The following IFNAR1 variants were observed in gnomAD, a reference collection of about 807,000 sequenced individuals.
IFNAR1 encodes interferon alpha/beta receptor 1.
A neutral mutation model predicts 62.1 loss-of-function variants in IFNAR1; 47 were observed. The ratio of observed to expected loss-of-function variants is 0.76; its 90% CI spans 0.60 to 0.97. IFNAR1 has a LOEUF of 0.97. Among genes scored for constraint, IFNAR1 ranks in the 50% least tolerant of loss-of-function variants. IFNAR1 has a pLI of 0.00. For synonymous variants in IFNAR1, 219 were observed against 226.9 expected, an observed-to-expected ratio of 0.97 and a Z score of 0.31; for missense variants, 638 against 654.5, an observed-to-expected ratio of 0.97 and a Z score of 0.27.
intron 8 of IFNAR1, among the ~76,000 whole-genome samples, chr21:33,350,069 A>G (rs1353567286): frequency 6.6e-6 from 1 of 151,648 alleles, no homozygotes; most frequent in Non-Finnish European, 1.5e-5. Context: ...TTGTTACTGA[A>G]TCATTATCTC....
At chr21:33,324,917 C>A, upstream of IFNAR1, 1 of 634,756 alleles carries the variant, frequency 1.6e-6, no homozygotes, top group Non-Finnish European at 2.7e-6. Flanking sequence ...AGAGGCGGCG[C>A]GTGCGTAGAG....
intron 1 of IFNAR1, among the ~76,000 whole-genome samples, chr21:33,328,021 C>T (rs1448491068): frequency 6.6e-6 from 1 of 152,242 alleles, no homozygotes; most frequent in Non-Finnish European, 1.5e-5. Flanking sequence ...CCACAGCCCA[C>T]TGGCCGCGTG....
At chr21:33,333,869 C>T (rs894079216) in intron 1 of IFNAR1, among the ~76,000 whole-genome samples, 4 of 151,800 alleles carry the variant, frequency 2.6e-5, no homozygotes, top group Non-Finnish European at 4.4e-5. Flanking sequence ...GTGATCCACC[C>T]GCCTCGGCCT....
chr21:33,345,290 CA>C lies in IFNAR1; in HGVS notation c.722del (p.Asn241IlefsTer15). 2 of 1,606,110 alleles carry C rather than the reference CA, an allele frequency of 1.2e-6. No individual in the cohort carries two copies. Among genetic ancestry groups the C allele is most frequent in the Non-Finnish European group, 1.7e-6 (2 of 1,173,770 alleles). On this transcript the variant is annotated frameshift_variant, in exon 6 of 11. Transcript: ENST00000270139. LOFTEE classifies it high-confidence loss of function. Reference sequence around the variant, plus strand: ...ACCAGAAAATATAGAAGTCAGTGTCCAAAATCAGAACTATGTTCTTAAATGG... The same window carrying C: ...ACCAGAAAATATAGAAGTCAGTGTCCAAATCAGAACTATGTTCTTAAATGG... ...PPPENIEVSV[Q>X]NQNYVLKWDY...
intron 10 of IFNAR1, 55 bp downstream of exon 10, chr21:33,353,838 G>T: frequency 8.3e-7 from 1 of 1,197,630 alleles, no homozygotes. Context: ...CAGAAAATGT[G>T]TTTGATTTCA....
chr21:33,355,444 T>C lies in IFNAR1; in HGVS notation c.1569T>C (p.Asp523=). ...AAGAAACTAATCAAACTGATGAAGA[T>C]CATAAAAAATACAGTTCCCAAACTA... ...TVEETNQTDE[D]HKKYSSQTSQ... is the part of the protein sequence containing the mutation. The change falls in exon 11 of 11, where the codon GAT becomes GAC. Residue 523 remains aspartate, a synonymous_variant. Coordinates refer to ENST00000270139, the MANE Select transcript of IFNAR1 (RefSeq NM_000629.3). The C allele has an allele frequency of 6.2e-7, 1 of 1,601,668 alleles. No individual in the cohort carries two copies. Among genetic ancestry groups the C allele is most frequent in the Non-Finnish European group, 8.5e-7 (1 of 1,171,626 alleles).
chr21:33,334,731 G>T (rs992043331), intron 1 of IFNAR1: 8 of 803,170 alleles, frequency 1.0e-5, no homozygotes, highest in Non-Finnish European at 1.8e-5. Flanking sequence ...CAAGTGATGC[G>T]CAGGGTGATC....
intron 6 of IFNAR1, among the ~76,000 whole-genome samples, chr21:33,347,164 C>T (rs1327413967): frequency 1.4e-5 from 2 of 147,758 alleles, no homozygotes; most frequent in Non-Finnish European, 3.0e-5. Context: ...GAGTCTCACT[C>T]TGTCACCCAG....
intron 2 of IFNAR1, among the ~76,000 whole-genome samples, chr21:33,339,551 T>C (rs1251050505): frequency 6.6e-6 from 1 of 152,150 alleles, no homozygotes; most frequent in African/African-American, 2.4e-5. Flanking sequence ...GAATTAGGCT[T>C]GACAAAAATG....
rs36125058 is a variant in IFNAR1 at position 33,357,530 on chromosome 21, G to GTTTTTTTTT, written c.*1988_*1996dup. 1.4e-5 allele frequency: 2 copies of GTTTTTTTTT among 139,668 alleles called. No homozygotes were observed. Among genetic ancestry groups the GTTTTTTTTT allele is most frequent in the African/African-American group, 5.4e-5 (2 of 37,236 alleles). The allele number at this position is 139,668 out of a possible 1,614,324, so 8.7% of individuals were successfully genotyped here. Reference sequence around the variant, plus strand: ...ATTTTCATCTTTCTGACCAGAGGCTGTTTTTTTTTTTTTTTGAGACAGTCT... The same window carrying GTTTTTTTTT: ...ATTTTCATCTTTCTGACCAGAGGCTGTTTTTTTTTTTTTTTTTTTTTTTTGAGACAGTCT... On this transcript the variant is annotated 3_prime_UTR_variant, in exon 11 of 11. Coordinates refer to ENST00000270139, the MANE Select transcript of IFNAR1 (RefSeq NM_000629.3).
intron 6 of IFNAR1, among the ~76,000 whole-genome samples, chr21:33,347,689 T>G (rs187143793): frequency 5.5e-4 from 84 of 152,328 alleles, no homozygotes; most frequent in African/African-American, 1.9e-3. Flanking sequence ...TGCCACTTAA[T>G]GTAACCTAAT....
intron 1 of IFNAR1, among the ~76,000 whole-genome samples, chr21:33,327,677 G>T (rs2083139613): frequency 6.6e-6 from 1 of 152,198 alleles, no homozygotes; most frequent in African/African-American, 2.4e-5. Context: ...TCTGAGACCG[G>T]TCTGAAATCA....
At chr21:33,354,849 T>C (rs2083432496) in intron 10 of IFNAR1, among the ~76,000 whole-genome samples, 1 of 152,176 alleles carries the variant, frequency 6.6e-6, no homozygotes, top group African/African-American at 2.4e-5. Flanking sequence ...ACCCCTGAGT[T>C]TTTAAATGTC....
intron 6 of IFNAR1, among the ~76,000 whole-genome samples, chr21:33,346,180 AAAGAG>A (rs1318682512): frequency 6.6e-6 from 1 of 152,166 alleles, no homozygotes; most frequent in Non-Finnish European, 1.5e-5. Context: ...TGAATAGAGA[AAAGAG>A]AAGAGGAAAA....
rs1568930195 is a variant in IFNAR1 at position 33,343,500 on chromosome 21, C to A, written c.532-35C>A. 3 of 1,553,028 alleles carry A rather than the reference C, an allele frequency of 1.9e-6. No homozygotes were observed. In the South Asian group the frequency reaches 3.4e-5, roughly 18 times the overall value. On this transcript the variant is annotated intron_variant, in intron 4 of 10. Transcript: ENST00000270139. ...ATTAATCCTAAAATTTGACTTTATA[C>A]TTTTTTAAAGAACCAACTTATATTT...
chr21:33,349,331 G>A lies in IFNAR1; in HGVS notation c.988+41G>A, dbSNP rs180819488. On this transcript the variant is annotated intron_variant, in intron 7 of 10. Coordinates refer to ENST00000270139, the MANE Select transcript of IFNAR1 (RefSeq NM_000629.3). ...TTACTGGAGATTGTAATTCTCTGGT[G>A]CAAGTTTTTAAAATTGTTTTTCTAA... is the stretch of plus-strand genomic sequence containing the variant. 7.0e-5 allele frequency: 110 copies of A among 1,567,084 alleles called. 1 individual carries two copies. The African/African-American group carries it at 1.3e-3, about 18-fold the overall frequency.
intron 4 of IFNAR1, 32 bp downstream of exon 4, chr21:33,343,454 T>C (rs948149909): frequency 1.3e-5 from 20 of 1,590,744 alleles, no homozygotes; most frequent in Non-Finnish European, 1.5e-5. Flanking sequence ...GTTTAATCGA[T>C]GTGAGAGAAA....
intron 5 of IFNAR1, among the ~76,000 whole-genome samples, chr21:33,344,616 T>G (rs1484302299): frequency 6.6e-6 from 1 of 152,050 alleles, no homozygotes; most frequent in African/African-American, 2.4e-5. Context: ...TGGGTTTTGT[T>G]TTTTAAAATT....
intron 2 of IFNAR1, among the ~76,000 whole-genome samples, chr21:33,339,834 A>G (rs1188594316): frequency 1.3e-5 from 2 of 150,184 alleles, no homozygotes; most frequent in African/African-American, 4.9e-5. Flanking sequence ...AGGCTGAGGC[A>G]GGAGAATTGC....
Sources: allele counts gnomAD v4.1 joint callset (sites outside exome capture counted in the v4.1 genomes callset), GRCh38; gene constraint gnomAD v4.1.1; transcripts MANE v1.5; gene names NCBI Gene and HGNC (gene_info 2026-07-23, HGNC 2026-07-21).